Variants in NCAM1 observed in about 807,000 individuals in gnomAD.
The protein encoded by NCAM1 is antigen recognized by monoclonal antibody 5.1H11.
Under a neutral mutation model 109.8 loss-of-function variants are expected in NCAM1, and 14 were observed. The ratio of observed to expected loss-of-function variants is 0.13; its 90% CI spans 0.08 to 0.20. The LOEUF is 0.20. NCAM1 is among the 10% of genes least tolerant of loss of function. NCAM1 has a pLI of 1.00. For synonymous variants in NCAM1, 418 were observed against 442.9 expected (o/e 0.94, Z 0.70); for missense variants, 774 against 1,109.9 (o/e 0.70, Z 4.30).
intron 1 of NCAM1, among the ~76,000 whole-genome samples, chr11:113,170,572 C>A (rs537302030): frequency 4.6e-5 from 7 of 152,084 alleles, no homozygotes; most frequent in Middle Eastern, 3.4e-3. Context: ...AGGAATTGGT[C>A]TTTGGGAGGG....
intron 17 of NCAM1, chr11:113,263,555 T>C (rs1946065213): frequency 1.0e-6 from 1 of 985,620 alleles, no homozygotes; most frequent in African/African-American, 1.7e-5. Flanking sequence ...TGATGAACGT[T>C]CTGGGATGTG....
chr11:113,259,047 T>A (rs1231253043), intron 16 of NCAM1, among the ~76,000 whole-genome samples: 1 of 150,934 alleles, frequency 6.6e-6, no homozygotes, highest in African/African-American at 2.4e-5. Flanking sequence ...AAAAATAGTT[T>A]TCATTTTTTT....
intron 1 of NCAM1, among the ~76,000 whole-genome samples, chr11:113,029,057 A>G (rs557589310): frequency 4.5e-4 from 69 of 152,210 alleles, no homozygotes; most frequent in Non-Finnish European, 7.9e-4. Context: ...TCTGTGACTA[A>G]TGTAAATCCC....
At chr11:112,988,556 A>G (rs1951371159) in intron 1 of NCAM1, among the ~76,000 whole-genome samples, 2 of 152,064 alleles carry the variant, frequency 1.3e-5, no homozygotes, top group Admixed American at 6.5e-5. Flanking sequence ...TGCTGAGGAT[A>G]GTGTTCTTGA....
intron 1 of NCAM1, among the ~76,000 whole-genome samples, chr11:113,001,012 C>T (rs1951741016): frequency 6.6e-6 from 1 of 151,962 alleles, no homozygotes; most frequent in Non-Finnish European, 1.5e-5. Flanking sequence ...ATTTGAAATG[C>T]GTGCTGCCCC....
At chr11:113,042,874 C>G (rs149126958) in intron 1 of NCAM1, among the ~76,000 whole-genome samples, 269 of 152,288 alleles carry the variant, frequency 1.8e-3, no homozygotes, top group South Asian at 6.9e-3. Context: ...CCATCCCTCT[C>G]CTGCTCCAGA....
intron 1 of NCAM1, among the ~76,000 whole-genome samples, chr11:113,102,169 T>C (rs547201492): frequency 2.0e-5 from 3 of 152,342 alleles, no homozygotes; most frequent in Admixed American, 2.0e-4. Context: ...TCTGAAAAAG[T>C]TCTTTAGGAT....
intron 1 of NCAM1, among the ~76,000 whole-genome samples, chr11:113,094,470 A>G (rs1329060731): frequency 6.6e-6 from 1 of 152,154 alleles, no homozygotes; most frequent in Non-Finnish European, 1.5e-5. Context: ...CCTCATTGTC[A>G]TAGAACAGAG....
At chr11:113,148,639 G>A (rs1269326468) in intron 1 of NCAM1, among the ~76,000 whole-genome samples, 14 of 152,126 alleles carry the variant, frequency 9.2e-5, no homozygotes, top group African/African-American at 3.4e-4. Context: ...GCTTTAGTAC[G>A]TCTCCTTATC....
intron 1 of NCAM1, among the ~76,000 whole-genome samples, chr11:113,083,939 A>G (rs1938964060): frequency 6.6e-6 from 1 of 152,206 alleles, no homozygotes; most frequent in Non-Finnish European, 1.5e-5. Context: ...TGAACTAACT[A>G]GGAATTAGGC....
chr11:113,164,623 C>T (rs1325148402), intron 1 of NCAM1, among the ~76,000 whole-genome samples: 2 of 152,142 alleles, frequency 1.3e-5, no homozygotes, highest in African/African-American at 4.8e-5. Flanking sequence ...AAGGATATTA[C>T]AGAGGATATA....
chr11:113,112,960 C>T (rs182034679), intron 1 of NCAM1, among the ~76,000 whole-genome samples: 4 of 152,022 alleles, frequency 2.6e-5, no homozygotes, highest in Admixed American at 1.3e-4. Context: ...GGTGAAACCC[C>T]GTCTCTACTA....
At chr11:113,102,240 T>C (rs941945861) in intron 1 of NCAM1, among the ~76,000 whole-genome samples, 5 of 152,298 alleles carry the variant, frequency 3.3e-5, no homozygotes, top group Admixed American at 2.6e-4. Flanking sequence ...AAGTTGTAAA[T>C]GTGTTAAGGA....
In NCAM1 at chr11:113,271,889, G is replaced by T. The variant is rs782577573; in HGVS notation, c.2456+13G>T. On this transcript the variant is annotated intron_variant, in intron 19 of 19. Transcript: ENST00000316851. ...TGACGGAGCCCGAGTACGTGGGCTG[G>T]GAGGGGCTGGCACCTGCTCCGTAGA... is the stretch of plus-strand genomic sequence containing the variant. 4 of 1,548,824 alleles carry T rather than the reference G, an allele frequency of 2.6e-6. No individual in the cohort carries two copies. The highest frequency in any genetic ancestry group is 3.5e-6 in the Non-Finnish European group (4 of 1,145,340).
chr11:113,078,304 G>A (rs552959551), intron 1 of NCAM1, among the ~76,000 whole-genome samples: 42 of 152,080 alleles, frequency 2.8e-4, no homozygotes, highest in Admixed American at 1.5e-3. Context: ...TTAAGGACAC[G>A]AGTCATTGGA....
intron 17 of NCAM1, among the ~76,000 whole-genome samples, chr11:113,268,011 A>T (rs763750739): frequency 1.3e-5 from 2 of 152,222 alleles, no homozygotes; most frequent in Non-Finnish European, 1.5e-5. Flanking sequence ...ATCTTTCTTC[A>T]GGGAGTAGGC....
chr11:113,170,660 G>A (rs374779151), intron 1 of NCAM1, among the ~76,000 whole-genome samples: 1 of 152,110 alleles, frequency 6.6e-6, no homozygotes, highest in Non-Finnish European at 1.5e-5. Context: ...TTTTCATCTC[G>A]GGGCTGCTTG....
chr11:112,995,163 A>G (rs935315775), intron 1 of NCAM1, among the ~76,000 whole-genome samples: 9 of 150,538 alleles, frequency 6.0e-5, no homozygotes, highest in Non-Finnish European at 4.4e-5. Flanking sequence ...TGCTGTATTT[A>G]GGAATGAATG....
chr11:113,142,892 A>G (rs1941881818), intron 1 of NCAM1, among the ~76,000 whole-genome samples: 2 of 152,188 alleles, frequency 1.3e-5, no homozygotes, highest in South Asian at 4.1e-4. Flanking sequence ...AAAAAATAGT[A>G]CAGTGGATAC....
Sources: gnomAD v4.1 joint callset for allele counts (sites outside exome capture counted in the v4.1 genomes callset) on GRCh38, gnomAD v4.1.1 for gene constraint, MANE v1.5 for transcripts, NCBI Gene and HGNC (gene_info 2026-07-23, HGNC 2026-07-21) for gene names.